Variants in RFFL observed in about 807,000 individuals in gnomAD.
The protein encoded by RFFL is E3 ubiquitin-protein ligase rififylin.
RFFL carries 16 observed loss-of-function variants against 40.4 expected under a neutral mutation model. The ratio of observed to expected loss-of-function variants is 0.40; its 90% confidence interval spans 0.27 to 0.60. The LOEUF (loss-of-function observed/expected upper bound fraction) is 0.60. Ranked by LOEUF, RFFL falls within the 20% of genes least tolerant of loss-of-function variation. The pLI is 0.47. For missense variants in RFFL, 367 were observed against 451.7 expected (o/e 0.81, Z 1.70); for synonymous variants, 154 against 167.9 (o/e 0.92, Z 0.64).
intron 1 of RFFL, among the ~76,000 whole-genome samples, chr17:35,053,499 G>C (rs1168902624): frequency 6.6e-6 from 1 of 152,214 alleles, no homozygotes; most frequent in Non-Finnish European, 1.5e-5. Flanking sequence ...ACAAAGCTTA[G>C]ATGGGTACAG....
At chr17:35,017,417 C>T in intron 4 of RFFL, 106 bp downstream of exon 4, 2 of 749,832 alleles carry the variant, frequency 2.7e-6, no homozygotes, top group Non-Finnish European at 4.7e-6. Context: ...TTCGGAAGCA[C>T]TATCATCACA....
chr17:35,085,894 T>C lies in RFFL; in HGVS notation c.-9+3211A>G, dbSNP rs373329706. Among the ~76,000 whole-genome samples the C allele has an allele frequency of 1.4e-3, 218 of 152,264 alleles. 1 individual carries two copies. The highest frequency in any genetic ancestry group is 5.2e-3 in the African/African-American group (215 of 41,532). Reference sequence around the variant, plus strand: ...TAAAGGAAGAACTTCATGACAGTCTTAACGAAGAGAAAGGATAATGGGTTT... The same window carrying C: ...TAAAGGAAGAACTTCATGACAGTCTCAACGAAGAGAAAGGATAATGGGTTT... On this transcript the variant is annotated intron_variant, in intron 1 of 6. Transcript: ENST00000315249.
At chr17:35,017,466 C>T (rs752191810) in intron 4 of RFFL, 57 bp downstream of exon 4, 124 of 1,131,864 alleles carry the variant, frequency 1.1e-4, no homozygotes, top group African/African-American at 1.5e-4. Context: ...TAAGAGGTTC[C>T]GAAGAACACC....
At position 35,030,261 on chromosome 17, in the gene RFFL, T is replaced by C. The variant is rs867883627; in HGVS notation, c.-8-3700A>G. The stretch of plus-strand genomic sequence containing the variant: ...TTCTAGTTCTAGATCCCTGAGGAAT[T>C]GCCACACTGACTTCCACAATGGTTG... On this transcript the variant is annotated intron_variant, in intron 1 of 6. Transcript: ENST00000394597. Among the ~76,000 whole-genome samples, 13 of 148,962 alleles carry C rather than the reference T, an allele frequency of 8.7e-5. No homozygotes were observed. The South Asian group carries it at 1.7e-3, about 20-fold the overall frequency.
intron 1 of RFFL, among the ~76,000 whole-genome samples, chr17:35,056,900 C>T (rs1458291539): frequency 6.6e-6 from 1 of 151,752 alleles, no homozygotes. Flanking sequence ...GGTGTCCCAC[C>T]ACCCTTTTTT....
chr17:35,045,700 T>A (rs756220037), intron 1 of RFFL, among the ~76,000 whole-genome samples: 33 of 151,004 alleles, frequency 2.2e-4, no homozygotes, highest in Admixed American at 5.3e-4. Flanking sequence ...GAGCGCTTTT[T>A]AAAAAAAAAG....
chr17:35,027,441 G>A (rs779691340), intron 1 of RFFL, among the ~76,000 whole-genome samples: 8 of 152,052 alleles, frequency 5.3e-5, no homozygotes, highest in African/African-American at 1.7e-4. Flanking sequence ...AGAAGTGTTC[G>A]GAGCCAGGCG....
rs1165572742 is a variant in RFFL at position 35,010,582 on chromosome 17, TCTC to T, written c.*1383_*1385del. On this transcript the variant is annotated 3_prime_UTR_variant, in exon 7 of 7. Coordinates refer to ENST00000394597, the MANE Select transcript of RFFL (RefSeq NM_001017368.2). ...GCCTGGTGAACATGGTAAAACCCCG[TCTC>T]TACTAAAAATACAAAAATTAGCCTG... is the stretch of plus-strand genomic sequence containing the variant. 1 of 151,972 alleles carries T rather than the reference TCTC, an allele frequency of 6.6e-6. No homozygotes were observed. Among genetic ancestry groups the T allele is most frequent in the African/African-American group, 2.4e-5 (1 of 41,306 alleles). 9.4% of individuals were successfully genotyped at this position (151,972 alleles called of 1,614,324 possible). A position where few individuals can be genotyped will look rare whatever the true frequency, so the allele number is the denominator to read the frequency against.
chr17:35,073,009 C>A (rs2091358649), intron 1 of RFFL, among the ~76,000 whole-genome samples: 1 of 149,756 alleles, frequency 6.7e-6, no homozygotes, highest in African/African-American at 2.5e-5. Context: ...TGCCATTTCA[C>A]TCCAGCTTGG....
chr17:35,017,440 C>T, intron 4 of RFFL, 83 bp downstream of exon 4: 1 of 858,184 alleles, frequency 1.2e-6, no homozygotes, highest in Non-Finnish European at 1.9e-6. Flanking sequence ...TTTATTCTCT[C>T]TCCACTCGAC....
At chr17:35,058,891 T>C (rs112168090) in intron 1 of RFFL, among the ~76,000 whole-genome samples, 2 of 152,204 alleles carry the variant, frequency 1.3e-5, no homozygotes, top group Admixed American at 6.5e-5. Context: ...TGGGCTATAA[T>C]TGTGACTTAC....
chr17:35,042,079 C>T (rs931535187), intron 1 of RFFL: 1 of 152,114 alleles, frequency 6.6e-6, no homozygotes, highest in Non-Finnish European at 1.5e-5. Flanking sequence ...GGCTGGAAAG[C>T]CCAAGGTCTC....
At chr17:35,057,752 C>T (rs2091269247) in intron 1 of RFFL, among the ~76,000 whole-genome samples, 1 of 151,112 alleles carries the variant, frequency 6.6e-6, no homozygotes, top group South Asian at 2.1e-4. Flanking sequence ...GATCCAGTTT[C>T]CACTTCAGAA....
intron 1 of RFFL, among the ~76,000 whole-genome samples, chr17:35,061,773 T>C (rs1358120197): frequency 1.3e-5 from 2 of 151,674 alleles, no homozygotes; most frequent in Non-Finnish European, 2.9e-5. Flanking sequence ...CTCCACCTCC[T>C]GGGTTCAAGT....
chr17:35,024,009 A>C (rs1361015730), intron 2 of RFFL, among the ~76,000 whole-genome samples: 1 of 152,222 alleles, frequency 6.6e-6, no homozygotes, highest in African/African-American at 2.4e-5. Flanking sequence ...ACTTATGTAT[A>C]AATTCTGCCG....
chr17:35,075,863 A>G (rs1408948172), intron 1 of RFFL, among the ~76,000 whole-genome samples: 5 of 152,306 alleles, frequency 3.3e-5, no homozygotes, highest in Non-Finnish European at 5.9e-5. Flanking sequence ...CCCATCTTTA[A>G]GCATCTTAAC....
rs758123580 is a variant in RFFL, at chr17:35,012,161, C to A, written c.911-12G>T. 6 of 1,610,134 alleles carry A rather than the reference C, an allele frequency of 3.7e-6. No individual in the cohort carries two copies. The highest frequency in any genetic ancestry group is 2.2e-5 in the South Asian group (2 of 90,652). ...TGGTACTGCTCCCCCTGTACAAACA[C>A]ACAGGGCAGAAAAAAAGGGGCAGAG... On this transcript the variant is annotated splice_polypyrimidine_tract_variant and intron_variant, in intron 6 of 6. Coordinates refer to ENST00000394597, the MANE Select transcript of RFFL (RefSeq NM_001017368.2).
At chr17:35,076,976 G>T in intron 1 of RFFL, 1 of 307,028 alleles carries the variant, frequency 3.3e-6, no homozygotes, top group Admixed American at 2.9e-5. Flanking sequence ...AAACCCAAGA[G>T]GGCAGCTGCT....
intron 1 of RFFL, among the ~76,000 whole-genome samples, chr17:35,082,360 G>A (rs972216605): frequency 3.9e-5 from 6 of 152,228 alleles, no homozygotes; most frequent in African/African-American, 1.4e-4. Context: ...GCTACTTAAT[G>A]AGGCCACCCT....
Sources: gnomAD v4.1 joint callset for allele counts (sites outside exome capture counted in the v4.1 genomes callset) on GRCh38, gnomAD v4.1.1 for gene constraint, MANE v1.5 for transcripts, NCBI Gene and HGNC (gene_info 2026-07-23, HGNC 2026-07-21) for gene names.